The following MEOX2 variants were observed in gnomAD, a reference collection of about 807,000 sequenced individuals.
MEOX2 encodes the protein mesenchyme homeobox 2.
A neutral mutation model predicts 27.0 loss-of-function variants in MEOX2; 11 were observed. That is an observed-to-expected ratio of 0.41 (90% CI 0.26 to 0.68). The LOEUF is 0.68. MEOX2 is among the 30% of genes least tolerant of loss of function. The pLI is 0.33. For synonymous variants in MEOX2, 189 were observed against 155.4 expected, an observed-to-expected ratio of 1.22 and a Z score of -1.61; for missense variants, 436 against 385.4, an observed-to-expected ratio of 1.13 and a Z score of -1.10.
At chr7:15,632,487 C>A (rs559335384) in intron 1 of MEOX2, among the ~76,000 whole-genome samples, 108 of 151,728 alleles carry the variant, frequency 7.1e-4, no homozygotes, top group African/African-American at 2.5e-3. Context: ...CTTCCATGAC[C>A]TAAGTACAAA....
chr7:15,627,714 C>T (rs1234176138), intron 1 of MEOX2, among the ~76,000 whole-genome samples: 2 of 151,636 alleles, frequency 1.3e-5, no homozygotes, highest in African/African-American at 2.4e-5. Flanking sequence ...ACATAACTAA[C>T]GTATAGAATT....
At chr7:15,633,361 G>T (rs1003126117) in intron 1 of MEOX2, among the ~76,000 whole-genome samples, 1 of 152,002 alleles carries the variant, frequency 6.6e-6, no homozygotes, top group Non-Finnish European at 1.5e-5. Flanking sequence ...TGAGAAGATG[G>T]GGAGGGAAAG....
rs1209579821 is a variant in MEOX2 at position 15,615,932 on chromosome 7, T to C, written c.691-3321A>G. On this transcript the variant is annotated intron_variant, in intron 2 of 2. Transcript: ENST00000262041. ...GGATATAGTAATTATATAATATCAG[T>C]ATAAAACCTGTTATGGGCAATTCTA... is the stretch of plus-strand genomic sequence containing the variant. Among the ~76,000 whole-genome samples the C allele has an allele frequency of 3.3e-5, 5 of 152,076 alleles. No individual in the cohort carries two copies. The East Asian group carries it at 9.6e-4, about 29-fold the overall frequency.
intron 1 of MEOX2, chr7:15,681,966 C>T (rs1343040985): frequency 1.3e-5 from 2 of 151,670 alleles, no homozygotes; most frequent in Non-Finnish European, 3.0e-5. Context: ...AACAATAAAG[C>T]ATTTTAATTC....
chr7:15,673,683 G>A (rs1782146641), intron 1 of MEOX2, among the ~76,000 whole-genome samples: 1 of 149,708 alleles, frequency 6.7e-6, no homozygotes, highest in African/African-American at 2.5e-5. Flanking sequence ...AATAAAGGTT[G>A]TACCGATTAA....
At chr7:15,624,695 C>G (rs973775084) in intron 2 of MEOX2, among the ~76,000 whole-genome samples, 6 of 152,122 alleles carry the variant, frequency 3.9e-5, no homozygotes, top group Non-Finnish European at 7.4e-5. Flanking sequence ...AGCAGTATTA[C>G]TGTCCAACTA....
chr7:15,621,278 C>T (rs1781219485), intron 2 of MEOX2, among the ~76,000 whole-genome samples: 1 of 152,186 alleles, frequency 6.6e-6, no homozygotes, highest in Admixed American at 6.5e-5. Context: ...CAACAAACAA[C>T]ATTATATAAT....
chr7:15,621,175 T>C (rs987232873), intron 2 of MEOX2, among the ~76,000 whole-genome samples: 15 of 152,206 alleles, frequency 9.9e-5, no homozygotes, highest in South Asian at 4.1e-4. Flanking sequence ...AAGATTATTA[T>C]CTGTTGATCT....
chr7:15,639,812 A>G (rs533299858), intron 1 of MEOX2, among the ~76,000 whole-genome samples: 39 of 152,170 alleles, frequency 2.6e-4, no homozygotes, highest in African/African-American at 9.4e-4. Context: ...ATTCTGTTCC[A>G]TTGATCTATG....
chr7:15,627,608 C>A (rs994890964), intron 1 of MEOX2, among the ~76,000 whole-genome samples: 2 of 151,950 alleles, frequency 1.3e-5, no homozygotes, highest in Non-Finnish European at 2.9e-5. Flanking sequence ...CAACATGTAA[C>A]ATCAGTGATC....
chr7:15,653,088 C>A lies in MEOX2; in HGVS notation c.518-26170G>T, dbSNP rs1781759950. Among the ~76,000 whole-genome samples the A allele has an allele frequency of 2.0e-5, 3 of 152,020 alleles. No individual in the cohort carries two copies. The South Asian group carries it at 6.2e-4, about 32-fold the overall frequency. On this transcript the variant is annotated intron_variant, in intron 1 of 2. Coordinates refer to ENST00000262041, the MANE Select transcript of MEOX2 (RefSeq NM_005924.5). Reference sequence around the variant, plus strand: ...CAGAGTGGCTGGGCCATTTTACATTCCCACTAGCGGTGGTGTCTGGATGAT... The same window carrying A: ...CAGAGTGGCTGGGCCATTTTACATTACCACTAGCGGTGGTGTCTGGATGAT...
At chr7:15,637,076 T>C (rs1161110142) in intron 1 of MEOX2, among the ~76,000 whole-genome samples, 1 of 152,120 alleles carries the variant, frequency 6.6e-6, no homozygotes, top group African/African-American at 2.4e-5. Flanking sequence ...CTAACTTTAA[T>C]ATTCTGTTGG....
chr7:15,661,955 T>C (rs1369392221), intron 1 of MEOX2, among the ~76,000 whole-genome samples: 4 of 152,118 alleles, frequency 2.6e-5, no homozygotes, highest in Non-Finnish European at 5.9e-5. Context: ...TAGGGTATAA[T>C]AAAATAAACT....
intron 1 of MEOX2, among the ~76,000 whole-genome samples, chr7:15,635,419 A>G (rs1781465668): frequency 2.6e-5 from 4 of 151,990 alleles, no homozygotes; most frequent in African/African-American, 9.7e-5. Context: ...CCAAATACAC[A>G]GATATTAAGA....
chr7:15,612,397 G>A lies in MEOX2; in HGVS notation c.905C>T (p.Ala302Val). The A allele has an allele frequency of 3.1e-6, 5 of 1,613,140 alleles. No homozygotes were observed. Among genetic ancestry groups the A allele is most frequent in the African/African-American group, 1.3e-5 (1 of 74,990 alleles). Reference sequence around the variant, plus strand: ...GGTCCTCTGTTTATATCATAAGTGCGCATGCTCTGAGCTGTGGTCACTGTC... The same window carrying A: ...GGTCCTCTGTTTATATCATAAGTGCACATGCTCTGAGCTGTGGTCACTGTC... ...SHDSDHSSEH[A>V]HL The change falls in exon 3 of 3, where the codon GCG becomes GTG. Residue 302 changes from alanine (A) to valine (V), a missense_variant. Coordinates refer to ENST00000262041, the MANE Select transcript of MEOX2 (RefSeq NM_005924.5).
At chr7:15,643,842 G>T (rs962980692) in intron 1 of MEOX2, among the ~76,000 whole-genome samples, 1 of 152,294 alleles carries the variant, frequency 6.6e-6, no homozygotes, top group South Asian at 2.1e-4. Context: ...CAGTGTGCTT[G>T]TGTCCTGGGG....
intron 1 of MEOX2, among the ~76,000 whole-genome samples, chr7:15,634,574 A>G (rs1382579683): frequency 6.6e-6 from 1 of 152,018 alleles, no homozygotes; most frequent in Non-Finnish European, 1.5e-5. Context: ...TAAATTGCCA[A>G]TGTACTCCAT....
chr7:15,617,688 G>A (rs1201001633), intron 2 of MEOX2, among the ~76,000 whole-genome samples: 2 of 151,966 alleles, frequency 1.3e-5, no homozygotes, highest in African/African-American at 4.8e-5. Flanking sequence ...GCTGTGGAGG[G>A]TTAGGATATA....
chr7:15,673,827 T>G (rs1782150162), intron 1 of MEOX2, among the ~76,000 whole-genome samples: 1 of 152,102 alleles, frequency 6.6e-6, no homozygotes, highest in Non-Finnish European at 1.5e-5. Context: ...GTAGAAAACT[T>G]GAATGTAGCT....
Sources: gnomAD v4.1 joint callset for allele counts (sites outside exome capture counted in the v4.1 genomes callset) on GRCh38, gnomAD v4.1.1 for gene constraint, MANE v1.5 for transcripts, NCBI Gene and HGNC (gene_info 2026-07-23, HGNC 2026-07-21) for gene names.